Variants in VPS41 observed in about 807,000 individuals in gnomAD.
The protein encoded by VPS41 is vacuolar protein sorting-associated protein 41 homolog.
VPS41 carries 85 observed loss-of-function variants against 130.9 expected under a neutral mutation model. The observed-to-expected ratio is 0.65, with a 90% CI of 0.55 to 0.78. The LOEUF (loss-of-function observed/expected upper bound fraction) is 0.78, where lower values mean the gene tolerates loss of function less well. Among genes scored for constraint, VPS41 ranks in the 30% least tolerant of loss-of-function variants. The pLI is 0.00. For synonymous variants in VPS41, 335 were observed against 332.9 expected (o/e 1.01, Z -0.07); for missense variants, 874 against 1,018.7 (o/e 0.86, Z 1.93).
intron 4 of VPS41, among the ~76,000 whole-genome samples, chr7:38,857,255 G>A (rs749072302): frequency 1.5e-4 from 23 of 152,224 alleles, no homozygotes; most frequent in Non-Finnish European, 2.5e-4. Context: ...AACACAAAAT[G>A]GCCACTAAGC....
intron 24 of VPS41, 72 bp from the exon 25 acceptor site, chr7:38,742,193 C>A (rs1795896015): frequency 7.1e-7 from 1 of 1,400,974 alleles, no homozygotes; most frequent in Non-Finnish European, 9.6e-7. Flanking sequence ...ACATAATTTG[C>A]ATATAATGCA....
intron 7 of VPS41, among the ~76,000 whole-genome samples, chr7:38,802,178 T>C (rs1470503018): frequency 1.8e-4 from 27 of 152,226 alleles, no homozygotes; most frequent in Admixed American, 1.8e-3. Flanking sequence ...ATTGCAGCTC[T>C]TTTATTTCAG....
At chr7:38,763,676 A>G (rs192067479) in intron 16 of VPS41, 129 bp from the exon 17 acceptor site, 203 of 541,076 alleles carry the variant, frequency 3.8e-4, no homozygotes, top group African/African-American at 3.6e-3. Flanking sequence ...TCTGAAAAAA[A>G]TGTTTTGAAC....
intron 3 of VPS41, among the ~76,000 whole-genome samples, chr7:38,867,977 CA>C (rs535031977): frequency 6.6e-6 from 1 of 152,124 alleles, no homozygotes. Context: ...GATTAGAGAT[CA>C]GGACTCCATA....
chr7:38,899,736 T>C (rs1228982299), intron 1 of VPS41, among the ~76,000 whole-genome samples: 2 of 152,216 alleles, frequency 1.3e-5, no homozygotes, highest in Non-Finnish European at 2.9e-5. Context: ...CTGAATATTA[T>C]GTTATTAGCA....
chr7:38,833,354 G>T (rs971123550), intron 4 of VPS41, among the ~76,000 whole-genome samples: 1 of 152,086 alleles, frequency 6.6e-6, no homozygotes, highest in Non-Finnish European at 1.5e-5. Flanking sequence ...CCCTCCAATG[G>T]CCTCCTATCT....
At chr7:38,821,940 C>T (rs114444105) in intron 5 of VPS41, among the ~76,000 whole-genome samples, 2,833 of 151,914 alleles carry the variant, frequency 0.019, 97 homozygotes, top group African/African-American at 0.065. Context: ...TTTTTTCATC[C>T]CTTAAAGGAA....
chr7:38,867,781 A>C (rs1322478676), intron 3 of VPS41, among the ~76,000 whole-genome samples: 1 of 152,160 alleles, frequency 6.6e-6, no homozygotes, highest in African/African-American at 2.4e-5. Context: ...AACTTTACCT[A>C]GGTGTGTGAG....
At chr7:38,888,903 GAAC>G (rs1786792040) in intron 2 of VPS41, among the ~76,000 whole-genome samples, 1 of 138,078 alleles carries the variant, frequency 7.2e-6, no homozygotes, top group Non-Finnish European at 1.5e-5. Context: ...CATGGAAACT[GAAC>G]AACCTGTTCC....
At chr7:38,888,277 A>AC (rs1440481164) in intron 2 of VPS41, among the ~76,000 whole-genome samples, 1 of 152,204 alleles carries the variant, frequency 6.6e-6, no homozygotes, top group Non-Finnish European at 1.5e-5. Flanking sequence ...TATTCAGGAG[A>AC]CCTACCTCAC....
intron 25 of VPS41, among the ~76,000 whole-genome samples, chr7:38,730,482 G>A (rs1291928609): frequency 1.3e-5 from 2 of 152,140 alleles, no homozygotes; most frequent in East Asian, 1.9e-4. Context: ...TGATGAACAG[G>A]AAATTACATG....
chr7:38,851,504 T>C (rs1785854222), intron 4 of VPS41, among the ~76,000 whole-genome samples: 1 of 152,238 alleles, frequency 6.6e-6, no homozygotes, highest in Non-Finnish European at 1.5e-5. Flanking sequence ...AATAGTTCAT[T>C]CCTTTTTATT....
In VPS41 at chr7:38,843,448, C is replaced by T. The variant is rs547070008; in HGVS notation, c.247-13120G>A. 2.0e-5 allele frequency among the ~76,000 whole-genome samples: 3 copies of T among 150,818 alleles called. No homozygotes were observed. In the South Asian group the frequency reaches 6.4e-4, roughly 32 times the overall value. The stretch of plus-strand genomic sequence containing the variant: ...CTGTAATCCCAGCACTTTGGGAGGC[C>T]GAGGCAGGTGGATAACGAGGTCAGA... On this transcript the variant is annotated intron_variant, in intron 4 of 28. Coordinates refer to ENST00000310301, the MANE Select transcript of VPS41 (RefSeq NM_014396.4).
intron 7 of VPS41, among the ~76,000 whole-genome samples, chr7:38,808,619 G>A (rs1263180464): frequency 3.9e-5 from 6 of 152,154 alleles, no homozygotes; most frequent in South Asian, 4.1e-4. Flanking sequence ...ATGTTCAGAC[G>A]ATTCACTTGA....
rs1019987020 is a variant in VPS41 at position 38,723,364 on chromosome 7, G to A, written c.*2882C>T. On this transcript the variant is annotated 3_prime_UTR_variant, in exon 29 of 29. Coordinates refer to ENST00000310301, the MANE Select transcript of VPS41 (RefSeq NM_014396.4). The stretch of plus-strand genomic sequence containing the variant: ...AATTAAACCAGTATGAAATCCCTTT[G>A]GCTAAAAACAAAAGCAAACTAAAGT... The A allele has an allele frequency of 2.6e-5, 4 of 152,146 alleles. No homozygotes were observed. Among genetic ancestry groups the A allele is most frequent in the African/African-American group, 7.2e-5 (3 of 41,428 alleles). 9.4% of individuals were successfully genotyped at this position (152,146 alleles called of 1,614,324 possible).
chr7:38,883,047 A>G (rs1249808010), intron 2 of VPS41, among the ~76,000 whole-genome samples: 4 of 152,216 alleles, frequency 2.6e-5, no homozygotes, highest in Non-Finnish European at 5.9e-5. Flanking sequence ...GTTTGAGACC[A>G]GCCTGGCCAA....
In VPS41 at chr7:38,862,598, C is replaced by T. The variant is rs749411915; in HGVS notation, c.193G>A (p.Gly65Ser). The T allele has an allele frequency of 1.2e-6, 2 of 1,609,692 alleles. No individual in the cohort carries two copies. The highest frequency in any genetic ancestry group is 2.2e-5 in the South Asian group (2 of 90,260). The change falls in exon 4 of 29, where the codon GGC (glycine) becomes AGC (serine). Residue 65 changes from glycine (G) to serine (S), a missense_variant. By Grantham distance (56) the Gly-to-Ser change is moderately conservative. Coordinates refer to ENST00000310301, the MANE Select transcript of VPS41 (RefSeq NM_014396.4). ...DKFLALGTHY[G>S]KVYLLDVQGN... is the part of the protein sequence containing the mutation. The stretch of plus-strand genomic sequence containing the variant: ...TGGACATCAAGTAAATAAACCTTGC[C>T]ATAATGTGTGCCCAATGCCAAAAAC...
At chr7:38,821,288 C>T in intron 5 of VPS41, 23 bp from the exon 6 acceptor site, 1 of 1,587,466 alleles carries the variant, frequency 6.3e-7, no homozygotes. Flanking sequence ...TGGATTGTAT[C>T]AGCTCACCAT....
chr7:38,901,103 C>G (rs747997427), intron 1 of VPS41, among the ~76,000 whole-genome samples: 1 of 152,108 alleles, frequency 6.6e-6, no homozygotes, highest in African/African-American at 2.4e-5. Context: ...ATAAATTATG[C>G]TGTTTTCAAA....
Sources: gnomAD v4.1 joint callset for allele counts (sites outside exome capture counted in the v4.1 genomes callset) on GRCh38, gnomAD v4.1.1 for gene constraint, MANE v1.5 for transcripts, NCBI Gene and HGNC (gene_info 2026-07-23, HGNC 2026-07-21) for gene names.